MTMR6: variants seen among roughly 807,000 people sequenced by gnomAD.
The protein encoded by MTMR6 is myotubularin related protein 6.
MTMR6 carries 47 observed loss-of-function variants against 80.1 expected under a neutral mutation model. The observed-to-expected ratio is 0.59, with a 90% confidence interval of 0.46 to 0.75. The LOEUF is 0.75. MTMR6 is among the 30% of genes least tolerant of loss of function. The pLI is 0.00. For synonymous variants in MTMR6, 254 were observed against 253.0 expected, an observed-to-expected ratio of 1.00 and a Z score of -0.04; for missense variants, 629 against 730.9, an observed-to-expected ratio of 0.86 and a Z score of 1.61.
At chr13:25,258,802 A>T (rs1421163852) in intron 6 of MTMR6, 110 bp from the exon 7 acceptor site, 1 of 831,300 alleles carries the variant, frequency 1.2e-6, no homozygotes, top group African/African-American at 1.8e-5. Context: ...GTTTAAAGGA[A>T]CTCATCAAAA....
chr13:25,261,961 T>G (rs1327022627), intron 5 of MTMR6, among the ~76,000 whole-genome samples, 159 bp from the exon 6 acceptor site: 1 of 152,356 alleles, frequency 6.6e-6, no homozygotes. Flanking sequence ...TTTCAATATT[T>G]TGACATTCCT....
intron 1 of MTMR6, among the ~76,000 whole-genome samples, chr13:25,285,395 C>G (rs932920721): frequency 7.5e-6 from 1 of 132,800 alleles, no homozygotes; most frequent in Admixed American, 7.5e-5. Flanking sequence ...TTCCGCCCCC[C>G]CCCCCCCAAT....
At chr13:25,264,775 A>AG (rs1555249600) in intron 5 of MTMR6, among the ~76,000 whole-genome samples, 25 of 133,734 alleles carry the variant, frequency 1.9e-4, no homozygotes, top group African/African-American at 4.8e-4. Flanking sequence ...AAAAAAAAAA[A>AG]GAAATTTCAG....
chr13:25,283,890 G>C (rs966533751), intron 1 of MTMR6, among the ~76,000 whole-genome samples: 2 of 152,182 alleles, frequency 1.3e-5, no homozygotes, highest in South Asian at 4.1e-4. Context: ...AGCTCAAAGC[G>C]ATAGGTAGTA....
In MTMR6 at chr13:25,251,860, T is replaced by G. The variant is rs1957095994; in HGVS notation, c.1471A>C (p.Asn491His). 6.2e-7 allele frequency: 1 copy of G among 1,607,008 alleles called. No homozygotes were observed. Among genetic ancestry groups the G allele is most frequent in the Non-Finnish European group, 8.5e-7 (1 of 1,178,234 alleles). Residue 491 changes from asparagine (N) to histidine (H), a missense_variant, in exon 12 of 14, where the codon AAT becomes CAT. Physicochemically the swap from Asn to His is moderately conservative, Grantham distance 68. Coordinates refer to ENST00000381801, the MANE Select transcript of MTMR6 (RefSeq NM_004685.5). The surrounding 1 kb of genome is among the most constrained non-coding windows in gnomAD (Gnocchi z 4.1). Reference protein sequence around the residue: ...TVLEPNTVSFNFKFWRNMYHQ... With the variant: ...TVLEPNTVSFHFKFWRNMYHQ... ...CCAATGATGTCAACTTACTTAAAATTGAAAGATACTGTATTTGGCTCCAAA... is the reference window on the plus strand; with the variant it reads ...CCAATGATGTCAACTTACTTAAAATGGAAAGATACTGTATTTGGCTCCAAA...
At chr13:25,287,080 G>T (rs924561984) in intron 1 of MTMR6, 144 bp downstream of exon 1, 25 of 1,210,580 alleles carry the variant, frequency 2.1e-5, no homozygotes, top group Non-Finnish European at 2.8e-5. Context: ...CCCAGACCAG[G>T]CCTGGCCAGA....
rs530577921 is a variant in MTMR6, at chr13:25,247,890, T to C, written c.*1342A>G. Reference sequence around the variant, plus strand: ...ACTCGAATTGTACTTCATGCCACCATGTTATTTAAATTTTCAATTTTAAAG... The same window carrying C: ...ACTCGAATTGTACTTCATGCCACCACGTTATTTAAATTTTCAATTTTAAAG... On this transcript the variant is annotated 3_prime_UTR_variant, in exon 14 of 14. Transcript: ENST00000381801. 8 of 152,270 alleles carry C rather than the reference T, an allele frequency of 5.3e-5. No homozygotes were observed. In the South Asian group the frequency reaches 1.7e-3, roughly 32 times the overall value. 9.4% of individuals were successfully genotyped at this position (152,270 alleles called of 1,614,324 possible).
chr13:25,249,097 C>T lies in MTMR6; in HGVS notation c.*135G>A. On this transcript the variant is annotated 3_prime_UTR_variant, in exon 14 of 14. Coordinates refer to ENST00000381801, the MANE Select transcript of MTMR6 (RefSeq NM_004685.5). ...TTTCTCTCACAAGGGTAGTTATTATCCTTCCTTCAACTATTAGCCTACTGT... is the reference window on the plus strand; with the variant it reads ...TTTCTCTCACAAGGGTAGTTATTATTCTTCCTTCAACTATTAGCCTACTGT... 1 of 852,276 alleles carries T rather than the reference C, an allele frequency of 1.2e-6. No individual in the cohort carries two copies. The highest frequency in any genetic ancestry group is 1.9e-5 in the South Asian group (1 of 52,730). 52.8% of individuals were successfully genotyped at this position (852,276 alleles called of 1,614,324 possible).
chr13:25,272,394 C>A (rs959988409), intron 2 of MTMR6, among the ~76,000 whole-genome samples: 1 of 152,140 alleles, frequency 6.6e-6, no homozygotes, highest in African/African-American at 2.4e-5. Flanking sequence ...ATGACACACA[C>A]ATCTGACAAA....
At chr13:25,258,123 C>A (rs902727256) in intron 7 of MTMR6, among the ~76,000 whole-genome samples, 1 of 152,280 alleles carries the variant, frequency 6.6e-6, no homozygotes, top group South Asian at 2.1e-4. Flanking sequence ...AAATTCTATA[C>A]TATGACTGGA....
intron 1 of MTMR6, among the ~76,000 whole-genome samples, chr13:25,283,935 CT>C (rs913155337): frequency 6.6e-6 from 1 of 152,136 alleles, no homozygotes; most frequent in Non-Finnish European, 1.5e-5. Flanking sequence ...TGGAAATGCT[CT>C]TTCAGAAATC....
chr13:25,254,900 C>T (rs1957165071), intron 9 of MTMR6, among the ~76,000 whole-genome samples: 1 of 151,870 alleles, frequency 6.6e-6, no homozygotes, highest in Non-Finnish European at 1.5e-5. Flanking sequence ...GAAAAAAAAA[C>T]TAATGATAAA....
chr13:25,265,281 A>T (rs1490784025), intron 5 of MTMR6, among the ~76,000 whole-genome samples: 1 of 152,182 alleles, frequency 6.6e-6, no homozygotes, highest in African/African-American at 2.4e-5. Context: ...CCTATCTGTT[A>T]ACTAATTCTA....
At chr13:25,257,886 G>A (rs752460874) in intron 7 of MTMR6, 41 bp from the exon 8 acceptor site, 3 of 1,414,290 alleles carry the variant, frequency 2.1e-6, no homozygotes, top group Admixed American at 3.8e-5. Context: ...AATATGGCTA[G>A]AGTTTCTGCA....
intron 2 of MTMR6, among the ~76,000 whole-genome samples, chr13:25,271,487 T>C (rs1957575285): frequency 6.6e-6 from 1 of 152,198 alleles, no homozygotes; most frequent in Non-Finnish European, 1.5e-5. Flanking sequence ...TGTGTAACAA[T>C]GAATGAATTG....
At position 25,287,231 on chromosome 13, in the gene MTMR6, G is replaced by A. The variant is rs370445501; in HGVS notation, c.17C>T (p.Thr6Met). 9 of 1,597,824 alleles carry A rather than the reference G, an allele frequency of 5.6e-6. No homozygotes were observed. The South Asian group carries it at 9.0e-5, about 16-fold the overall frequency. The change falls in exon 1 of 14, where the codon ACG becomes ATG. Residue 6 changes from threonine to methionine, a missense_variant. By Grantham distance (81) the Thr-to-Met change is moderately conservative. Coordinates refer to ENST00000381801, the MANE Select transcript of MTMR6 (RefSeq NM_004685.5). ...GATCCCGCGCCCGACTACCTTGGTCGTCCGGATATGCTCCATCGCAAGGAG... is the reference window on the plus strand; with the variant it reads ...GATCCCGCGCCCGACTACCTTGGTCATCCGGATATGCTCCATCGCAAGGAG... MEHIR[T>M]TKVEQVKLLD...
At chr13:25,284,966 A>G (rs1957926216) in intron 1 of MTMR6, among the ~76,000 whole-genome samples, 1 of 152,264 alleles carries the variant, frequency 6.6e-6, no homozygotes, top group Admixed American at 6.5e-5. Context: ...ATCCAATACT[A>G]GAAAAACAAC....
intron 7 of MTMR6, 70 bp downstream of exon 7, chr13:25,258,490 C>A (rs1957263196): frequency 7.3e-7 from 1 of 1,368,712 alleles, no homozygotes; most frequent in Non-Finnish European, 9.7e-7. Flanking sequence ...CTGGAAAATT[C>A]TAAATTACAT....
intron 2 of MTMR6, among the ~76,000 whole-genome samples, chr13:25,270,258 G>C (rs149137551): frequency 3.8e-4 from 58 of 152,254 alleles, no homozygotes; most frequent in Admixed American, 1.2e-3. Flanking sequence ...CTAGTTATGT[G>C]ATTTTGAAAA....
Sources: gnomAD v4.1 joint callset for allele counts (sites outside exome capture counted in the v4.1 genomes callset) on GRCh38, gnomAD v4.1.1 for gene constraint, Gnocchi (gnomAD v3.1) non-coding constraint, MANE v1.5 for transcripts, NCBI Gene and HGNC (gene_info 2026-07-23, HGNC 2026-07-21) for gene names.